The following TTC28 variants were observed in gnomAD, a reference collection of about 807,000 sequenced individuals.
TTC28 encodes tetratricopeptide repeat domain 28, also known as tetratricopeptide repeat protein 28.
In TTC28, 61 loss-of-function variants were observed where a neutral mutation model predicts 198.0. The observed-to-expected ratio is 0.31, with a 90% confidence interval of 0.25 to 0.38. The LOEUF is 0.38. Among genes scored for constraint, TTC28 ranks in the 10% least tolerant of loss-of-function variants. The probability of loss-of-function intolerance (pLI) is 1.00; values close to 1 mark genes in which losing one functional copy is unlikely to be tolerated. For synonymous variants in TTC28, 1,171 were observed against 1,297.8 expected (o/e 0.90, Z 2.10); for missense variants, 2,678 against 3,164.0 (o/e 0.85, Z 3.69).
intron 2 of TTC28, among the ~76,000 whole-genome samples, chr22:28,484,354 C>T (rs1410119345): frequency 6.6e-6 from 1 of 152,062 alleles, no homozygotes; most frequent in African/African-American, 2.4e-5. Flanking sequence ...TCAAGGCATC[C>T]TCCCACCCTG....
At chr22:28,001,222 A>G (rs922810253) in intron 15 of TTC28, 152 bp downstream of exon 15, 1 of 1,024,538 alleles carries the variant, frequency 9.8e-7, no homozygotes, top group African/African-American at 1.6e-5. Flanking sequence ...GACCTACTCT[A>G]AAGTCACGCT....
chr22:28,045,822 G>T (rs2146688640), intron 12 of TTC28, among the ~76,000 whole-genome samples: 1 of 152,224 alleles, frequency 6.6e-6, no homozygotes, highest in South Asian at 2.1e-4. Context: ...AAATTAGCCG[G>T]GTGTGGTGGT....
At chr22:28,488,112 G>C (rs1391439790) in intron 2 of TTC28, among the ~76,000 whole-genome samples, 1 of 152,086 alleles carries the variant, frequency 6.6e-6, no homozygotes, top group East Asian at 1.9e-4. Flanking sequence ...AAATCCTCCA[G>C]CTTAGGGGGA....
chr22:28,238,239 T>A (rs1202581018), intron 5 of TTC28, among the ~76,000 whole-genome samples: 1 of 152,190 alleles, frequency 6.6e-6, no homozygotes, highest in Non-Finnish European at 1.5e-5. Context: ...TAGTATCCAA[T>A]GGATCACTGA....
At position 27,978,656 on chromosome 22, in the gene TTC28, G is replaced by A. The variant is rs1936923132; in HGVS notation, c.*3565C>T. On this transcript the variant is annotated 3_prime_UTR_variant, in exon 23 of 23. Coordinates refer to ENST00000397906, the MANE Select transcript of TTC28 (RefSeq NM_001145418.2). ...GTGGACCGTGAATTTTTAAAAAATG[G>A]AATGGAGGTGAAAACTTTCATTTTG... 6.6e-6 allele frequency: 1 copy of A among 152,236 alleles called. No individual in the cohort carries two copies. The highest frequency in any genetic ancestry group is 6.5e-5 in the Admixed American group (1 of 15,284). 9.4% of individuals were successfully genotyped at this position (152,236 alleles called of 1,614,324 possible).
At chr22:28,526,415 T>C (rs2049005064) in intron 2 of TTC28, among the ~76,000 whole-genome samples, 1 of 152,112 alleles carries the variant, frequency 6.6e-6, no homozygotes, top group African/African-American at 2.4e-5. Flanking sequence ...TATTAAAAAA[T>C]AACTATTTGA....
At chr22:28,380,436 C>G (rs2046477313) in intron 2 of TTC28, among the ~76,000 whole-genome samples, 1 of 152,018 alleles carries the variant, frequency 6.6e-6, no homozygotes, top group African/African-American at 2.4e-5. Flanking sequence ...GAAACAAATC[C>G]CAAAATAATC....
intron 2 of TTC28, among the ~76,000 whole-genome samples, chr22:28,493,860 C>T (rs1216719413): frequency 6.6e-6 from 1 of 152,108 alleles, no homozygotes; most frequent in Non-Finnish European, 1.5e-5. Flanking sequence ...AGTGAAACAC[C>T]ACATCATTGG....
intron 2 of TTC28, among the ~76,000 whole-genome samples, chr22:28,312,293 T>C (rs947280077): frequency 6.6e-6 from 1 of 151,554 alleles, no homozygotes; most frequent in Admixed American, 6.6e-5. Context: ...ACTGTCAATA[T>C]TAGAGCAACG....
At chr22:28,114,981 C>A (rs1214370909) in intron 6 of TTC28, among the ~76,000 whole-genome samples, 2 of 152,052 alleles carry the variant, frequency 1.3e-5, no homozygotes, top group Admixed American at 1.3e-4. Flanking sequence ...TTCTTGAGAA[C>A]CTCTCTGTGC....
chr22:28,313,261 A>C lies in TTC28; in HGVS notation c.382-6618T>G, dbSNP rs116588928. ...AAACAGTCTGGGACCAGACAGATTC[A>C]CAGGCGAATTCTACCAGAGGTACAA... On this transcript the variant is annotated intron_variant, in intron 2 of 22. Transcript: ENST00000397906. Among the ~76,000 whole-genome samples, 1,467 of 152,340 alleles carry C rather than the reference A, an allele frequency of 9.6e-3. 33 individuals carry two copies. Among genetic ancestry groups the C allele is most frequent in the African/African-American group, 0.034 (1,408 of 41,556 alleles).
chr22:28,584,698 GTCCTTTTAT>G (rs1302193025), intron 2 of TTC28, among the ~76,000 whole-genome samples: 2 of 152,170 alleles, frequency 1.3e-5, no homozygotes, highest in African/African-American at 2.4e-5. Flanking sequence ...TTTAGATTGA[GTCCTTTTAT>G]TCCTACCAGA....
intron 12 of TTC28, among the ~76,000 whole-genome samples, chr22:28,087,176 C>A (rs1460810896): frequency 6.6e-6 from 1 of 152,098 alleles, no homozygotes; most frequent in Non-Finnish European, 1.5e-5. Flanking sequence ...CCAGCATCAT[C>A]CTGATACCAA....
chr22:28,257,529 T>C (rs970751964), intron 5 of TTC28, among the ~76,000 whole-genome samples: 1 of 151,790 alleles, frequency 6.6e-6, no homozygotes, highest in Non-Finnish European at 1.5e-5. Context: ...TTCTCATTCA[T>C]ATGTGGGAGC....
At chr22:28,303,823 T>C (rs1275694674) in intron 3 of TTC28, 6 of 146,348 alleles carry the variant, frequency 4.1e-5, no homozygotes, top group African/African-American at 1.5e-4. Flanking sequence ...CCTTCTCCAC[T>C]CTCACTGCTT....
chr22:28,038,908 C>T (rs1020248761), intron 12 of TTC28, among the ~76,000 whole-genome samples: 2 of 152,196 alleles, frequency 1.3e-5, no homozygotes, highest in Non-Finnish European at 2.9e-5. Context: ...AGCCAACAGA[C>T]ACATGAAAAA....
chr22:28,658,906 A>G (rs577330093), intron 1 of TTC28, among the ~76,000 whole-genome samples: 1 of 152,306 alleles, frequency 6.6e-6, no homozygotes, highest in Admixed American at 6.5e-5. Flanking sequence ...CTGAGGCAGG[A>G]GAATTGCTTG....
At chr22:28,113,016 T>G (rs1942528723) in intron 6 of TTC28, among the ~76,000 whole-genome samples, 1 of 152,190 alleles carries the variant, frequency 6.6e-6, no homozygotes. Flanking sequence ...TGAGGGCCAA[T>G]GCGATCATGC....
intron 2 of TTC28, among the ~76,000 whole-genome samples, chr22:28,593,458 T>C (rs1335219280): frequency 1.4e-5 from 2 of 143,456 alleles, no homozygotes; most frequent in South Asian, 2.3e-4. Flanking sequence ...GATAGGTAGA[T>C]AGGTAGGTAG....
Sources: gnomAD v4.1 joint callset for allele counts (sites outside exome capture counted in the v4.1 genomes callset) on GRCh38, gnomAD v4.1.1 for gene constraint, MANE v1.5 for transcripts, NCBI Gene and HGNC (gene_info 2026-07-23, HGNC 2026-07-21) for gene names.